TBC1D20: variants seen among roughly 807,000 people sequenced by gnomAD.
TBC1D20 encodes chromosome 20 open reading frame 140.
In TBC1D20, 12 loss-of-function variants were observed where a neutral mutation model predicts 41.6. That is an observed-to-expected ratio of 0.29 (90% CI 0.18 to 0.47). TBC1D20 has a LOEUF of 0.47. TBC1D20 is among the 20% of genes least tolerant of loss of function. The pLI is 1.00. For missense variants in TBC1D20, 421 were observed against 517.4 expected, an observed-to-expected ratio of 0.81 and a Z score of 1.81; for synonymous variants, 205 against 204.8, an observed-to-expected ratio of 1.00 and a Z score of -0.01.
intron 1 of TBC1D20, among the ~76,000 whole-genome samples, chr20:460,189 A>G (rs2017604961): frequency 6.6e-6 from 1 of 152,124 alleles, no homozygotes; most frequent in Non-Finnish European, 1.5e-5. Context: ...AAGAAATGCT[A>G]GTCTTAAAAC....
intron 1 of TBC1D20, among the ~76,000 whole-genome samples, chr20:453,046 G>A (rs1180399123): frequency 6.7e-6 from 1 of 149,752 alleles, no homozygotes; most frequent in South Asian, 2.1e-4. Context: ...CTACTCAGGA[G>A]GCTGAAGCAG....
At chr20:452,361 G>A (rs960916433) in intron 1 of TBC1D20, among the ~76,000 whole-genome samples, 1 of 152,222 alleles carries the variant, frequency 6.6e-6, no homozygotes, top group African/African-American at 2.4e-5. Context: ...AGGTACAATG[G>A]CTCACACCTG....
rs964189096 is a variant in TBC1D20, at chr20:436,609, G to T, written c.*1977C>A. 6.5e-6 allele frequency: 1 copy of T among 153,690 alleles called. No homozygotes were observed. The highest frequency in any genetic ancestry group is 6.5e-5 in the Admixed American group (1 of 15,274). 9.5% of individuals were successfully genotyped at this position (153,690 alleles called of 1,614,324 possible). On this transcript the variant is annotated 3_prime_UTR_variant, in exon 8 of 8. Coordinates refer to ENST00000354200, the MANE Select transcript of TBC1D20 (RefSeq NM_144628.4). ...GTACTTGTGGAAGGAGGGGCAGCTG[G>T]TGCCGCCCACTGAGAGGATGACAAG...
intron 5 of TBC1D20, chr20:440,633 A>G (rs2017210161): frequency 4.7e-6 from 2 of 425,100 alleles, no homozygotes; most frequent in African/African-American, 4.1e-5. Flanking sequence ...CTACTGGCCA[A>G]CAAATGTCAA....
At chr20:448,206 T>A (rs1224766968) in intron 1 of TBC1D20, 132 bp from the exon 2 acceptor site, 1 of 610,028 alleles carries the variant, frequency 1.6e-6, no homozygotes, top group Non-Finnish European at 2.8e-6. Flanking sequence ...CCTGCTGGCA[T>A]AAAGTCTCAC....
rs1600328483 is a variant in TBC1D20 at position 439,838 on chromosome 20, C to T, written c.768+410G>A. On this transcript the variant is annotated intron_variant, in intron 6 of 7. Coordinates refer to ENST00000354200, the MANE Select transcript of TBC1D20 (RefSeq NM_144628.4). This position sits in a 1 kb window ranked among gnomAD's most constrained non-coding sequence, Gnocchi z 4.6. ...TACTAACTGAAGCCCCTACCCTCCA[C>T]CGCAAGCCGCCTCCCTTGTCTGTCA... Among the ~76,000 whole-genome samples, 1 of 152,218 alleles carries T rather than the reference C, an allele frequency of 6.6e-6. No homozygotes were observed. The highest frequency in any genetic ancestry group is 2.4e-5 in the African/African-American group (1 of 41,456).
At chr20:447,017 T>C (rs2017346107) in intron 2 of TBC1D20, among the ~76,000 whole-genome samples, 2 of 145,714 alleles carry the variant, frequency 1.4e-5, no homozygotes, top group African/African-American at 5.1e-5. Flanking sequence ...TGGTGCAATC[T>C]CTGCTCACTG....
intron 1 of TBC1D20, among the ~76,000 whole-genome samples, chr20:456,435 G>C (rs940290288): frequency 3.9e-5 from 6 of 152,180 alleles, no homozygotes; most frequent in African/African-American, 1.4e-4. Flanking sequence ...ACTAAGCACT[G>C]TACTGGGGAT....
chr20:449,153 C>CT (rs757303718), intron 1 of TBC1D20, among the ~76,000 whole-genome samples: 3,503 of 93,606 alleles, frequency 0.037, 303 homozygotes, highest in African/African-American at 0.12. Context: ...CCTATATGTA[C>CT]TTTTTTTTTT....
Position 448,066 on chromosome 20 carries a change from C to A in TBC1D20, c.79G>T (p.Ala27Ser), listed in dbSNP as rs770274096. 18 of 1,611,266 alleles carry A rather than the reference C, an allele frequency of 1.1e-5. No homozygotes were observed. In the African/African-American group the frequency reaches 1.5e-4, roughly 13 times the overall value. ...TCTGCCACTTTCTTTTTCCTTTTGGCGTTAAAGTCTGAAGATAAGGATAGG... is the reference window on the plus strand; with the variant it reads ...TCTGCCACTTTCTTTTTCCTTTTGGAGTTAAAGTCTGAAGATAAGGATAGG... ...DGGAEKADFN[A>S]KRKKKVAEIH... The change falls in exon 2 of 8, where the codon GCC becomes TCC. Residue 27 changes from alanine (A) to serine (S), a missense_variant. Physicochemically the swap from Ala to Ser is moderately conservative, Grantham distance 99 (BLOSUM62 1). Around this residue, in one of 3 missense-constraint regions of TBC1D20, gnomAD observed 150 missense variants for 151.3 expected, o/e 0.99. Coordinates refer to ENST00000354200, the MANE Select transcript of TBC1D20 (RefSeq NM_144628.4).
At chr20:440,609 C>T in intron 5 of TBC1D20, 1 of 517,174 alleles carries the variant, frequency 1.9e-6, no homozygotes. Context: ...TGCTTTATCT[C>T]ACTGGGTGCT....
rs577622376 is a variant in TBC1D20, at chr20:441,539, G to T, written c.626+49C>A. ...GTGAGGAGTGTTTCAGGTGTGGGGG[G>T]GTGTGGGCGTGTGTATGCATGCACA... is the stretch of plus-strand genomic sequence containing the variant. On this transcript the variant is annotated intron_variant, in intron 5 of 7. Coordinates refer to ENST00000354200, the MANE Select transcript of TBC1D20 (RefSeq NM_144628.4). 13 of 1,467,326 alleles carry T rather than the reference G, an allele frequency of 8.9e-6. No individual in the cohort carries two copies. The Admixed American group carries it at 1.0e-4, about 11-fold the overall frequency. 90.9% of individuals were successfully genotyped at this position (1,467,326 alleles called of 1,614,324 possible).
chr20:445,502 A>G (rs924646678), intron 2 of TBC1D20, among the ~76,000 whole-genome samples: 1 of 152,042 alleles, frequency 6.6e-6, no homozygotes, highest in Non-Finnish European at 1.5e-5. Context: ...GATCAAATAA[A>G]ATCATGAATG....
intron 1 of TBC1D20, among the ~76,000 whole-genome samples, chr20:456,035 T>C (rs537079896): frequency 1.3e-5 from 2 of 152,298 alleles, no homozygotes; most frequent in South Asian, 2.1e-4. Flanking sequence ...CCCAGCACTT[T>C]AGGAAGCCGA....
chr20:439,232 G>C lies in TBC1D20; in HGVS notation c.832C>G (p.Leu278Val). The change falls in exon 7 of 8, where the codon CTG becomes GTG. Residue 278 changes from leucine (L) to valine (V), a missense_variant. By Grantham distance (32) the Leu-to-Val change is conservative (BLOSUM62 1). Transcript: ENST00000354200. The surrounding 1 kb of genome is among the most constrained non-coding windows in gnomAD (Gnocchi z 4.6). ...AAGTCCTGAGGGATCTGGGACAACA[G>C]GTGGTGGACCGAGGCCATGTCACAG... is the stretch of plus-strand genomic sequence containing the variant. ...CDCDMASVHH[L>V]LSQIPQDLPY... is the part of the protein sequence containing the mutation. 1 of 1,614,200 alleles carries C rather than the reference G, an allele frequency of 6.2e-7. No individual in the cohort carries two copies. The highest frequency in any genetic ancestry group is 8.5e-7 in the Non-Finnish European group (1 of 1,180,018).
Position 439,163 on chromosome 20 carries a change from G to C in TBC1D20, c.901C>G (p.Gln301Glu). 1.2e-6 allele frequency: 2 copies of C among 1,614,068 alleles called. No homozygotes were observed. The highest frequency in any genetic ancestry group is 1.7e-6 in the Non-Finnish European group (2 of 1,179,982). ...LISRAGDLFV[Q>E]FPPSELAREA... ...CGAGCAAGTTCGGATGGGGGAAACT[G>C]AACAAAAAGGTCTCCTGCTCTGCTG... Residue 301 changes from glutamine to glutamate, a missense_variant, in exon 7 of 8, where the codon CAG becomes GAG. Physicochemically the swap from Gln to Glu is conservative, Grantham distance 29. Around this residue, in one of 3 missense-constraint regions of TBC1D20, gnomAD observed 161 missense variants for 182.7 expected, o/e 0.88. Transcript: ENST00000354200. This position sits in a 1 kb window ranked among gnomAD's most constrained non-coding sequence, Gnocchi z 4.6.
intron 1 of TBC1D20, among the ~76,000 whole-genome samples, chr20:459,804 G>T (rs2017599008): frequency 6.6e-6 from 1 of 152,106 alleles, no homozygotes; most frequent in Non-Finnish European, 1.5e-5. Flanking sequence ...CACTTCATCT[G>T]AACTGTGGTT....
At chr20:445,441 G>C (rs1960460450) in intron 2 of TBC1D20, among the ~76,000 whole-genome samples, 3 of 152,164 alleles carry the variant, frequency 2.0e-5, no homozygotes, top group Admixed American at 6.6e-5. Flanking sequence ...GCATCACTGG[G>C]AACTGCTCTG....
At position 447,897 on chromosome 20, in the gene TBC1D20, G is replaced by A. The variant is rs892621741; in HGVS notation, c.248C>T (p.Pro83Leu). ...LLNVNANDPP[P>L]ISGKNLRQMS... ...TCCCCCACTCCCCTTACCTGATATA[G>A]GAGGTGGGTCATTGGCATTGACATT... Residue 83 changes from proline to leucine, a missense_variant, in exon 2 of 8, where the codon CCT (proline) becomes CTT (leucine). This residue lies in a region of TBC1D20 where 150 missense variants were observed against 151.3 expected (regional missense o/e 0.99). Transcript: ENST00000354200. 1.9e-6 allele frequency: 3 copies of A among 1,611,748 alleles called. No individual in the cohort carries two copies. Among genetic ancestry groups the A allele is most frequent in the Middle Eastern group, 1.7e-4 (1 of 5,882 alleles).
Sources: gnomAD v4.1 joint callset for allele counts (sites outside exome capture counted in the v4.1 genomes callset) on GRCh38, gnomAD v4.1.1 for gene constraint, gnomAD v4.1.1 regional missense constraint, Gnocchi (gnomAD v3.1) non-coding constraint, MANE v1.5 for transcripts, NCBI Gene and HGNC (gene_info 2026-07-23, HGNC 2026-07-21) for gene names.